The following HPCAL1 variants were observed in gnomAD, a reference collection of about 807,000 sequenced individuals.
HPCAL1 encodes the protein hippocalcin-like protein 1.
A neutral mutation model predicts 17.1 loss-of-function variants in HPCAL1; 8 were observed. The ratio of observed to expected loss-of-function variants is 0.47; its 90% CI spans 0.27 to 0.84. The LOEUF (loss-of-function observed/expected upper bound fraction) is 0.84, where lower values mean the gene tolerates loss of function less well. Among genes scored for constraint, HPCAL1 ranks in the 40% least tolerant of loss-of-function variants. HPCAL1 has a pLI of 0.13. For synonymous variants in HPCAL1, 112 were observed against 111.4 expected (o/e 1.01, Z -0.03); for missense variants, 165 against 271.1 (o/e 0.61, Z 2.75).
Position 10,342,405 on chromosome 2 carries a change from G to A in HPCAL1, c.-111+39228G>A, listed in dbSNP as rs114593252. 6.8e-3 allele frequency among the ~76,000 whole-genome samples: 1,035 copies of A among 152,230 alleles called. 10 individuals carry two copies. The highest frequency in any genetic ancestry group is 0.024 in the African/African-American group (987 of 41,528). ...TGCGAGGCCAGTCAGTCTGGGTCCTGGGATATAGCCACATGTGCAGTCCGT... is the reference window on the plus strand; with the variant it reads ...TGCGAGGCCAGTCAGTCTGGGTCCTAGGATATAGCCACATGTGCAGTCCGT... On this transcript the variant is annotated intron_variant, in intron 1 of 4. Transcript: ENST00000307845. The surrounding 1 kb of genome is among the most constrained non-coding windows in gnomAD (Gnocchi z 4.1).
intron 1 of HPCAL1, among the ~76,000 whole-genome samples, chr2:10,309,674 G>A (rs1193297706): frequency 6.6e-6 from 1 of 152,190 alleles, no homozygotes; most frequent in Non-Finnish European, 1.5e-5. Context: ...AGGTCTCCTG[G>A]TAAATAGAAG....
At chr2:10,328,933 A>C (rs1318589767) in intron 1 of HPCAL1, among the ~76,000 whole-genome samples, 1 of 151,244 alleles carries the variant, frequency 6.6e-6, no homozygotes, top group Non-Finnish European at 1.5e-5. Flanking sequence ...ACTAGTGGTG[A>C]GCCTTTAAAT....
chr2:10,378,289 GTTAATATTTCCAAGGCT>G (rs1667716467), intron 1 of HPCAL1, among the ~76,000 whole-genome samples: 1 of 135,702 alleles, frequency 7.4e-6, no homozygotes, highest in African/African-American at 2.8e-5. Flanking sequence ...TGCACACACA[GTTAATATTTCCAAGGCT>G]TGTGCAGGGC....
chr2:10,382,666 G>A (rs1470861552), intron 1 of HPCAL1, among the ~76,000 whole-genome samples: 1 of 150,556 alleles, frequency 6.6e-6, no homozygotes, highest in African/African-American at 2.4e-5. Context: ...TCCCAAGCAA[G>A]TCAGCTAGAG....
At chr2:10,409,859 A>G (rs1670234074) in intron 2 of HPCAL1, among the ~76,000 whole-genome samples, 1 of 131,930 alleles carries the variant, frequency 7.6e-6, no homozygotes, top group South Asian at 2.4e-4. Context: ...GCACCACCTC[A>G]GCTCACTGCA....
At chr2:10,392,426 A>T (rs189072947) in intron 1 of HPCAL1, among the ~76,000 whole-genome samples, 72 of 152,360 alleles carry the variant, frequency 4.7e-4, no homozygotes, top group Admixed American at 1.7e-3. Context: ...TGTTTTGATT[A>T]CTAATTCAAT....
At chr2:10,337,316 A>G (rs1664783609) in intron 1 of HPCAL1, among the ~76,000 whole-genome samples, 1 of 152,176 alleles carries the variant, frequency 6.6e-6, no homozygotes, top group Non-Finnish European at 1.5e-5. Flanking sequence ...TAGAATTGCT[A>G]CATTAGGAAT....
In HPCAL1 at chr2:10,420,131, TG is replaced by T; in HGVS notation, c.375del (p.Gln126ArgfsTer10). On this transcript the variant is annotated frameshift_variant, in exon 3 of 5. Coordinates refer to ENST00000307845, the MANE Select transcript of HPCAL1 (RefSeq NM_002149.4). LOFTEE classifies it high-confidence loss of function. The stretch of plus-strand genomic sequence containing the variant: ...AGCCGCAGCGAGATGCTGGAGATCG[TG>T]CAGGTACCGGCGCCCGAGGCCCCGG... ...YISRSEMLEI[V>X]QAIYKMVSSV... 6.2e-7 allele frequency: 1 copy of T among 1,604,564 alleles called. No individual in the cohort carries two copies. Among genetic ancestry groups the T allele is most frequent in the Non-Finnish European group, 8.5e-7 (1 of 1,174,376 alleles).
intron 3 of HPCAL1, among the ~76,000 whole-genome samples, chr2:10,422,097 T>A (rs1455452333): frequency 1.3e-5 from 2 of 152,118 alleles, no homozygotes; most frequent in African/African-American, 4.8e-5. Flanking sequence ...TTCCAAGCAG[T>A]GAGGAGCAGC....
intron 1 of HPCAL1, among the ~76,000 whole-genome samples, chr2:10,370,959 G>C (rs1667166983): frequency 1.3e-5 from 2 of 152,212 alleles, no homozygotes; most frequent in Admixed American, 1.3e-4. Flanking sequence ...TCACCTGTGG[G>C]ATCCGAGGCA....
At chr2:10,366,553 TA>T (rs1666868989) in intron 1 of HPCAL1, among the ~76,000 whole-genome samples, 1 of 152,130 alleles carries the variant, frequency 6.6e-6, no homozygotes, top group Non-Finnish European at 1.5e-5. Context: ...TTACTTTAAA[TA>T]AAGATCTGGT....
intron 1 of HPCAL1, among the ~76,000 whole-genome samples, chr2:10,350,613 C>T (rs1225491205): frequency 6.6e-6 from 1 of 152,084 alleles, no homozygotes; most frequent in African/African-American, 2.4e-5. Context: ...ATTTAAAACA[C>T]CTGTGCCTCA....
chr2:10,375,149 G>A lies in HPCAL1; in HGVS notation c.-110-21686G>A, dbSNP rs371896800. Among the ~76,000 whole-genome samples, 79 of 152,330 alleles carry A rather than the reference G, an allele frequency of 5.2e-4. 1 individual carries two copies. The highest frequency in any genetic ancestry group is 1.7e-3 in the African/African-American group (72 of 41,570). On this transcript the variant is annotated intron_variant, in intron 1 of 4. Coordinates refer to ENST00000307845, the MANE Select transcript of HPCAL1 (RefSeq NM_002149.4). ...AAGCATTTCCACCCACAGTCCTGTC[G>A]GGAGAGGTAACATTTTGGAGTACAG... is the stretch of plus-strand genomic sequence containing the variant.
chr2:10,305,126 T>G (rs1662541105), intron 1 of HPCAL1, among the ~76,000 whole-genome samples: 1 of 152,128 alleles, frequency 6.6e-6, no homozygotes, highest in Admixed American at 6.5e-5. Flanking sequence ...ACACTTAGAA[T>G]GCACCCTGTT....
At chr2:10,309,876 A>T (rs561375329) in intron 1 of HPCAL1, among the ~76,000 whole-genome samples, 24 of 152,328 alleles carry the variant, frequency 1.6e-4, no homozygotes, top group South Asian at 8.3e-4. Context: ...ATCACAAATG[A>T]CCGTTCTCTC....
At chr2:10,372,175 C>T (rs1667252518) in intron 1 of HPCAL1, among the ~76,000 whole-genome samples, 1 of 152,200 alleles carries the variant, frequency 6.6e-6, no homozygotes, top group Non-Finnish European at 1.5e-5. Context: ...GGTCATTCCT[C>T]AATCGGGGCT....
intron 1 of HPCAL1, among the ~76,000 whole-genome samples, chr2:10,381,593 G>A (rs1420107): frequency 0.18 from 27,390 of 150,776 alleles, 3,176 homozygotes; most frequent in East Asian, 0.49. Flanking sequence ...GCTCTGCGCC[G>A]CCAGAGCATC....
intron 1 of HPCAL1, among the ~76,000 whole-genome samples, chr2:10,364,319 A>G (rs1666710436): frequency 6.6e-6 from 1 of 152,146 alleles, no homozygotes; most frequent in Non-Finnish European, 1.5e-5. Flanking sequence ...GACTGGCCAG[A>G]GCCCTGAGCA....
intron 2 of HPCAL1, among the ~76,000 whole-genome samples, chr2:10,397,154 A>G (rs1376661966): frequency 1.3e-5 from 2 of 148,848 alleles, no homozygotes; most frequent in Admixed American, 6.7e-5. Context: ...CAGCCATCTC[A>G]GCTCTCGCCC....
Sources: allele counts gnomAD v4.1 joint callset (sites outside exome capture counted in the v4.1 genomes callset), GRCh38; gene constraint gnomAD v4.1.1; non-coding constraint Gnocchi (gnomAD v3.1); transcripts MANE v1.5; gene names NCBI Gene and HGNC (gene_info 2026-07-23, HGNC 2026-07-21).